The following HPSE2 variants were observed in gnomAD, a reference collection of about 807,000 sequenced individuals.
HPSE2 encodes the protein heparanase 2 (inactive), also known as inactive heparanase-2.
HPSE2 carries 38 observed loss-of-function variants against 60.5 expected under a neutral mutation model. That is an observed-to-expected ratio of 0.63 (90% confidence interval 0.48 to 0.82). The LOEUF (loss-of-function observed/expected upper bound fraction) is 0.82, where lower values mean the gene tolerates loss of function less well. HPSE2 is among the 40% of genes least tolerant of loss of function. The pLI is 0.00. For missense variants in HPSE2, 713 were observed against 740.4 expected, an observed-to-expected ratio of 0.96 and a Z score of 0.43; for synonymous variants, 295 against 293.2, an observed-to-expected ratio of 1.01 and a Z score of -0.06.
intron 11 of HPSE2, among the ~76,000 whole-genome samples, chr10:98,469,258 A>G (rs529721250): frequency 5.9e-5 from 9 of 152,174 alleles, no homozygotes; most frequent in Non-Finnish European, 1.2e-4. Context: ...CAGATGAGGG[A>G]ATCATCTGGG....
At chr10:99,243,800 G>C in the HPSE2 span, among the ~76,000 whole-genome samples, 1 of 152,066 alleles carries the variant, frequency 6.6e-6, no homozygotes, top group South Asian at 2.1e-4. Context: ...GCTGGGCATG[G>C]TGGCAAGCAC....
In HPSE2 at chr10:99,020,876, G is replaced by A. The variant is rs372485231; in HGVS notation, c.610+123362C>T. The stretch of plus-strand genomic sequence containing the variant: ...AAATACTACCTGAAAATGGTGAGCC[G>A]GCCAACTTACAGGGCCAGGGAACAC... On this transcript the variant is annotated intron_variant, in intron 3 of 11. Coordinates refer to ENST00000370552, the MANE Select transcript of HPSE2 (RefSeq NM_021828.5). 1.8e-4 allele frequency among the ~76,000 whole-genome samples: 28 copies of A among 152,202 alleles called. No homozygotes were observed. In the East Asian group the frequency reaches 1.9e-3, roughly 11 times the overall value.
chr10:99,177,768 G>A (rs1265460161), intron 2 of HPSE2, among the ~76,000 whole-genome samples: 22 of 152,060 alleles, frequency 1.4e-4, no homozygotes, highest in Admixed American at 1.3e-3. Context: ...TGGACCAAGC[G>A]ACCTGATAGA....
the HPSE2 span, among the ~76,000 whole-genome samples, chr10:99,258,489 C>T: frequency 3.3e-5 from 5 of 152,130 alleles, no homozygotes; most frequent in African/African-American, 9.6e-5. Flanking sequence ...AACACAATCT[C>T]AATTAAAATC....
chr10:99,220,099 T>A (rs189737368), intron 2 of HPSE2, among the ~76,000 whole-genome samples: 1 of 152,314 alleles, frequency 6.6e-6, no homozygotes, highest in East Asian at 1.9e-4. Flanking sequence ...GATATCATAT[T>A]TTGATGCATA....
the HPSE2 span, among the ~76,000 whole-genome samples, chr10:99,269,576 G>A: frequency 2.6e-5 from 4 of 152,084 alleles, no homozygotes; most frequent in African/African-American, 9.7e-5. Context: ...AAGAAACAAT[G>A]GATTTAAACT....
At chr10:98,876,147 T>C (rs907178565) in intron 3 of HPSE2, among the ~76,000 whole-genome samples, 1 of 151,956 alleles carries the variant, frequency 6.6e-6, no homozygotes, top group Non-Finnish European at 1.5e-5. Flanking sequence ...AAATGTCAGC[T>C]ATTGTACTTA....
intron 9 of HPSE2, among the ~76,000 whole-genome samples, chr10:98,563,557 C>T (rs1490132199): frequency 6.6e-6 from 1 of 152,010 alleles, no homozygotes; most frequent in African/African-American, 2.4e-5. Flanking sequence ...AATTGTAGCT[C>T]ATGTAAGTTA....
rs765594042 is a variant in HPSE2, at chr10:98,481,824, C to T, written c.1613+812G>A. Among the ~76,000 whole-genome samples, 6 of 152,268 alleles carry T rather than the reference C, an allele frequency of 3.9e-5. No individual in the cohort carries two copies. In the East Asian group the frequency reaches 9.6e-4, roughly 24 times the overall value. On this transcript the variant is annotated intron_variant, in intron 11 of 11. Coordinates refer to ENST00000370552, the MANE Select transcript of HPSE2 (RefSeq NM_021828.5). ...AAACATTAAAAATGGAATAGGAATG[C>T]CTCCAGTCTGTGCAGCATCCCATAC...
At chr10:98,678,578 A>G (rs561758786) in intron 6 of HPSE2, among the ~76,000 whole-genome samples, 58 of 152,198 alleles carry the variant, frequency 3.8e-4, no homozygotes, top group African/African-American at 1.3e-3. Flanking sequence ...CCAGGGCAGT[A>G]GTAGTTCAGA....
Position 98,936,526 on chromosome 10 carries a change from C to G in HPSE2, c.611-192470G>C, listed in dbSNP as rs374154064. 1.3e-4 allele frequency among the ~76,000 whole-genome samples: 18 copies of G among 143,420 alleles called. 3 individuals carry two copies. Among genetic ancestry groups the G allele is most frequent in the African/African-American group, 4.8e-4 (17 of 35,142 alleles). The allele number at this position is 143,420 out of a possible 152,430, so 94.1% of individuals were successfully genotyped here. A position where few individuals can be genotyped will look rare whatever the true frequency, so the allele number is the denominator to read the frequency against. On this transcript the variant is annotated intron_variant, in intron 3 of 11. Transcript: ENST00000370552. Reference sequence around the variant, plus strand: ...GCACAGTCCCTCACTGCTACCTTGACTGGAGAAGGGAGGTGCCCCCAACTC... The same window carrying G: ...GCACAGTCCCTCACTGCTACCTTGAGTGGAGAAGGGAGGTGCCCCCAACTC...
rs545803067 is a variant in HPSE2, at chr10:98,503,987, C to T, written c.1321-13791G>A. Among the ~76,000 whole-genome samples, 20 of 152,266 alleles carry T rather than the reference C, an allele frequency of 1.3e-4. No homozygotes were observed. The South Asian group carries it at 3.9e-3, about 30-fold the overall frequency. ...ACTTACTCATGTAACCAAATACCAC[C>T]TTTACCCCAATAACTTATGGGAAAA... On this transcript the variant is annotated intron_variant, in intron 9 of 11. Coordinates refer to ENST00000370552, the MANE Select transcript of HPSE2 (RefSeq NM_021828.5).
At chr10:99,244,402 T>C in the HPSE2 span, among the ~76,000 whole-genome samples, 1 of 144,708 alleles carries the variant, frequency 6.9e-6, no homozygotes, top group Non-Finnish European at 1.5e-5. Context: ...TTATTATTAT[T>C]ATTATTATTA....
At chr10:98,630,678 C>T (rs1946345595) in intron 7 of HPSE2, among the ~76,000 whole-genome samples, 1 of 152,078 alleles carries the variant, frequency 6.6e-6, no homozygotes, top group South Asian at 2.1e-4. Context: ...TGACCTTGAC[C>T]TTATTATACT....
chr10:98,592,736 T>G (rs1018085564), intron 9 of HPSE2, among the ~76,000 whole-genome samples: 3 of 152,220 alleles, frequency 2.0e-5, no homozygotes, highest in African/African-American at 7.2e-5. Context: ...ACATTACATT[T>G]GGCAAGCTAC....
At chr10:98,511,556 GT>G (rs1942398823) in intron 9 of HPSE2, among the ~76,000 whole-genome samples, 81 of 1,212 alleles carry the variant, frequency 0.067, no homozygotes, top group South Asian at 0.083. Context: ...CATAACTATG[GT>G]GTGTGTGTGT....
At chr10:98,996,130 C>T (rs1043300134) in intron 3 of HPSE2, among the ~76,000 whole-genome samples, 4 of 152,056 alleles carry the variant, frequency 2.6e-5, no homozygotes, top group Non-Finnish European at 5.9e-5. Context: ...ATAAAATCTA[C>T]AGATTGGTTA....
At chr10:98,679,788 C>A (rs1263364161) in intron 6 of HPSE2, among the ~76,000 whole-genome samples, 1 of 152,092 alleles carries the variant, frequency 6.6e-6, no homozygotes, top group African/African-American at 2.4e-5. Flanking sequence ...AACTTCTGGG[C>A]TCAAGAGGTC....
At chr10:99,166,202 C>T (rs988480965) in intron 2 of HPSE2, among the ~76,000 whole-genome samples, 1 of 152,156 alleles carries the variant, frequency 6.6e-6, no homozygotes, top group Non-Finnish European at 1.5e-5. Flanking sequence ...TTTAACCATT[C>T]ACCCACTGAA....
Sources: gnomAD v4.1 joint callset for allele counts (sites outside exome capture counted in the v4.1 genomes callset) on GRCh38, gnomAD v4.1.1 for gene constraint, MANE v1.5 for transcripts, NCBI Gene and HGNC (gene_info 2026-07-23, HGNC 2026-07-21) for gene names.